SUPT3H: variants seen among roughly 807,000 people sequenced by gnomAD.
The protein encoded by SUPT3H is transcription initiation protein SPT3 homolog.
SUPT3H carries 44 observed loss-of-function variants against 44.3 expected under a neutral mutation model. The observed-to-expected ratio is 0.99, with a 90% confidence interval of 0.78 to 1.28. The LOEUF is 1.28. Ranked by LOEUF, SUPT3H falls within the 50% of genes most tolerant of loss-of-function variation. The probability of loss-of-function intolerance (pLI) is 0.00; values close to 1 mark genes in which losing one functional copy is unlikely to be tolerated. For synonymous variants in SUPT3H, 124 were observed against 125.6 expected (o/e 0.99, Z 0.09); for missense variants, 380 against 387.1 (o/e 0.98, Z 0.15).
rs11380316 is a variant in SUPT3H, at chr6:45,162,032, T to TAA, written c.102-56028_102-56027dup. ...TGTGTATAACTCTTCAGAACATGTTTAAAAAAAAACAAAAACAAAAACATG... is the reference window on the plus strand; with the variant it reads ...TGTGTATAACTCTTCAGAACATGTTTAAAAAAAAAAACAAAAACAAAAACATG... On this transcript the variant is annotated intron_variant, in intron 2 of 10. Transcript: ENST00000371459. 6.9e-3 allele frequency among the ~76,000 whole-genome samples: 1,041 copies of TAA among 150,630 alleles called. 8 individuals carry two copies. The highest frequency in any genetic ancestry group is 8.7e-3 in the Non-Finnish European group (586 of 67,676).
chr6:45,131,983 G>A (rs2153584750), intron 2 of SUPT3H, among the ~76,000 whole-genome samples: 1 of 152,104 alleles, frequency 6.6e-6, no homozygotes, highest in African/African-American at 2.4e-5. Flanking sequence ...CCATAATAAA[G>A]TTCAATTTAT....
At chr6:45,127,911 G>A (rs1009269071) in intron 2 of SUPT3H, among the ~76,000 whole-genome samples, 45 of 152,060 alleles carry the variant, frequency 3.0e-4, no homozygotes, top group African/African-American at 9.7e-4. Context: ...TACTATCATA[G>A]GGTGAATTTT....
At chr6:44,989,092 A>G (rs1325464547) in intron 6 of SUPT3H, among the ~76,000 whole-genome samples, 1 of 152,266 alleles carries the variant, frequency 6.6e-6, no homozygotes, top group African/African-American at 2.4e-5. Flanking sequence ...GGAATGATTT[A>G]TAATAACATG....
chr6:44,961,758 CTTAA>C lies in SUPT3H; in HGVS notation c.571_574del (p.Leu191ValfsTer20), dbSNP rs1160765380. ...AAAGTTAAATAGTTACTTACAGAAA[CTTAA>C]TTGTCGACTTTCACAGAATTCTGCA... On this transcript the variant is annotated frameshift_variant, in exon 7 of 11. Transcript: ENST00000371459. LOFTEE classifies it high-confidence loss of function. 17 of 1,605,594 alleles carry C rather than the reference CTTAA, an allele frequency of 1.1e-5. No individual in the cohort carries two copies. The highest frequency in any genetic ancestry group is 1.4e-5 in the Non-Finnish European group (16 of 1,177,500).
At position 44,829,595 on chromosome 6, in the gene SUPT3H, T is replaced by TAAAC. The variant is rs956333804; in HGVS notation, c.*217_*220dup. On this transcript the variant is annotated 3_prime_UTR_variant, in exon 11 of 11. Coordinates refer to ENST00000371459, the MANE Select transcript of SUPT3H (RefSeq NM_003599.4). ...ATTCTTGTCCACCTACAGACTATCC[T>TAAAC]AAACATCCTGCCATTAATTAGCTGA... is the stretch of plus-strand genomic sequence containing the variant. 11 of 536,086 alleles carry TAAAC rather than the reference T, an allele frequency of 2.1e-5. No homozygotes were observed. The highest frequency in any genetic ancestry group is 1.9e-4 in the African/African-American group (10 of 51,586). The allele number at this position is 536,086 out of a possible 1,614,324, so 33.2% of individuals were successfully genotyped here.
chr6:45,010,687 A>G (rs1783362119), intron 5 of SUPT3H, among the ~76,000 whole-genome samples: 1 of 152,102 alleles, frequency 6.6e-6, no homozygotes, highest in African/African-American at 2.4e-5. Context: ...AACAGAAGAA[A>G]CAAACTTTCT....
intron 10 of SUPT3H, among the ~76,000 whole-genome samples, chr6:44,928,699 C>T (rs1305273632): frequency 6.6e-6 from 1 of 150,978 alleles, no homozygotes; most frequent in Non-Finnish European, 1.5e-5. Flanking sequence ...ATCGAGACCA[C>T]GGTGAAACCC....
chr6:44,853,364 T>G (rs1379634562), intron 10 of SUPT3H, among the ~76,000 whole-genome samples: 1 of 152,082 alleles, frequency 6.6e-6, no homozygotes, highest in Non-Finnish European at 1.5e-5. Flanking sequence ...AAACATGCAT[T>G]CAATAAATGC....
At chr6:44,810,907 C>A (rs1421099079) in intron 11 of SUPT3H, among the ~76,000 whole-genome samples, 42 of 141,858 alleles carry the variant, frequency 3.0e-4, no homozygotes, top group Admixed American at 3.5e-4. Context: ...GACTCCATCT[C>A]AAAAAAAAAA....
intron 3 of SUPT3H, among the ~76,000 whole-genome samples, chr6:45,100,959 C>T (rs373731538): frequency 7.2e-4 from 109 of 152,130 alleles, no homozygotes; most frequent in East Asian, 4.6e-3. Context: ...CATCAACAGA[C>T]GAATGGATAT....
Position 45,282,317 on chromosome 6 carries a change from A to C in SUPT3H, c.101+82884T>G, listed in dbSNP as rs192306732. On this transcript the variant is annotated intron_variant, in intron 2 of 10. Coordinates refer to ENST00000371459, the MANE Select transcript of SUPT3H (RefSeq NM_003599.4). ...GCTAAAGGAGGTTCGAACGCTTCGC[A>C]AAGAAGTTAAAAACCTTGAAAAAAA... Among the ~76,000 whole-genome samples, 21 of 74,342 alleles carry C rather than the reference A, an allele frequency of 2.8e-4. No homozygotes were observed. In the East Asian group the frequency reaches 5.9e-3, roughly 21 times the overall value. The allele number at this position is 74,342 out of a possible 152,430, so 48.8% of individuals were successfully genotyped here. A position where few individuals can be genotyped will look rare whatever the true frequency, so the allele number is the denominator to read the frequency against.
At chr6:45,158,301 T>A (rs1318691063) in intron 2 of SUPT3H, among the ~76,000 whole-genome samples, 1,491 of 79,382 alleles carry the variant, frequency 0.019, 58 homozygotes, top group African/African-American at 0.027. Flanking sequence ...TATATATATT[T>A]TTTTTTTTTT....
chr6:45,079,144 C>T (rs1299209698), intron 3 of SUPT3H, among the ~76,000 whole-genome samples: 1 of 152,052 alleles, frequency 6.6e-6, no homozygotes, highest in Non-Finnish European at 1.5e-5. Flanking sequence ...CCCGTCTCTA[C>T]AACAAAATAC....
chr6:45,016,100 T>A (rs1018994053), intron 4 of SUPT3H, among the ~76,000 whole-genome samples: 1 of 152,110 alleles, frequency 6.6e-6, no homozygotes, highest in Non-Finnish European at 1.5e-5. Context: ...CTATACATAA[T>A]TTTATGTGCT....
intron 2 of SUPT3H, among the ~76,000 whole-genome samples, chr6:45,111,433 T>C (rs1037790125): frequency 6.6e-6 from 1 of 152,054 alleles, no homozygotes; most frequent in African/African-American, 2.4e-5. Context: ...CCAATCACCC[T>C]AGTTTGCCTG....
Position 45,095,090 on chromosome 6 carries a change from A to G in SUPT3H, c.186+10832T>C, listed in dbSNP as rs1287447536. ...TACCTCATATTCCATTCATGTAAAC[A>G]CAGAGTGTGTTCTGGTTTGCTGAAC... On this transcript the variant is annotated intron_variant, in intron 3 of 10. Coordinates refer to ENST00000371459, the MANE Select transcript of SUPT3H (RefSeq NM_003599.4). This position sits in a 1 kb window ranked among gnomAD's most constrained non-coding sequence, Gnocchi z 4.1. Among the ~76,000 whole-genome samples, 1 of 152,100 alleles carries G rather than the reference A, an allele frequency of 6.6e-6. No individual in the cohort carries two copies. The highest frequency in any genetic ancestry group is 1.5e-5 in the Non-Finnish European group (1 of 67,986).
chr6:45,147,686 A>G (rs1258579341), intron 2 of SUPT3H, among the ~76,000 whole-genome samples: 2 of 151,986 alleles, frequency 1.3e-5, no homozygotes, highest in Admixed American at 1.3e-4. Context: ...GGAGGTGAGG[A>G]GAAAATTCTA....
At chr6:45,149,232 G>A (rs1288176695) in intron 2 of SUPT3H, among the ~76,000 whole-genome samples, 1 of 152,110 alleles carries the variant, frequency 6.6e-6, no homozygotes, top group Admixed American at 6.6e-5. Context: ...AAGTGGAAAT[G>A]AACTGTCACT....
At chr6:45,040,336 T>C (rs937327812) in intron 3 of SUPT3H, among the ~76,000 whole-genome samples, 14 of 152,094 alleles carry the variant, frequency 9.2e-5, no homozygotes, top group Admixed American at 9.2e-4. Context: ...GGAGGAAAAA[T>C]GCTATACTAT....
Sources: gnomAD v4.1 joint callset for allele counts (sites outside exome capture counted in the v4.1 genomes callset) on GRCh38, gnomAD v4.1.1 for gene constraint, Gnocchi (gnomAD v3.1) non-coding constraint, MANE v1.5 for transcripts, NCBI Gene and HGNC (gene_info 2026-07-23, HGNC 2026-07-21) for gene names.